HHLA2: variants seen among roughly 807,000 people sequenced by gnomAD.
The protein encoded by HHLA2 is HHLA2 member of B7 family.
In HHLA2, 48 loss-of-function variants were observed where a neutral mutation model predicts 45.9. The ratio of observed to expected loss-of-function variants is 1.05; its 90% CI spans 0.83 to 1.33. HHLA2 has a LOEUF of 1.33. HHLA2 is among the 40% of genes most tolerant of loss of function. HHLA2 has a pLI of 0.00. For synonymous variants in HHLA2, 161 were observed against 173.9 expected (o/e 0.93, Z 0.59); for missense variants, 462 against 494.3 (o/e 0.93, Z 0.62).
intron 3 of HHLA2, among the ~76,000 whole-genome samples, chr3:108,340,416 C>T (rs1177216347): frequency 2.0e-5 from 3 of 152,222 alleles, no homozygotes; most frequent in African/African-American, 4.8e-5. Context: ...ATTGGTTACA[C>T]ATGCTCCCTC....
At chr3:108,363,904 G>C (rs1490217385) in intron 8 of HHLA2, among the ~76,000 whole-genome samples, 4 of 152,152 alleles carry the variant, frequency 2.6e-5, no homozygotes, top group Non-Finnish European at 4.4e-5. Flanking sequence ...CAAGGACAGA[G>C]AGCAGTTCCC....
chr3:108,303,550 A>T (rs1206231867), intron 1 of HHLA2, among the ~76,000 whole-genome samples: 3 of 152,074 alleles, frequency 2.0e-5, no homozygotes, highest in Admixed American at 1.3e-4. Flanking sequence ...TATGCTGGTC[A>T]TTAATTTCTA....
At chr3:108,346,745 C>T (rs113652291) in intron 3 of HHLA2, among the ~76,000 whole-genome samples, 4 of 152,232 alleles carry the variant, frequency 2.6e-5, no homozygotes, top group East Asian at 1.9e-4. Flanking sequence ...TGGTTTTGAG[C>T]GTTACTAATG....
At chr3:108,355,346 T>G (rs776212573) in exon 6 of HHLA2, 1 of 1,613,858 alleles carries the variant, frequency 6.2e-7, no homozygotes, top group Non-Finnish European at 8.5e-7. Flanking sequence ...AATTCACTGC[T>G]GAAGCAAACA....
intron 2 of HHLA2, among the ~76,000 whole-genome samples, chr3:108,313,671 G>A (rs915844736): frequency 2.0e-5 from 3 of 152,226 alleles, no homozygotes; most frequent in Admixed American, 6.5e-5. Context: ...TGTGGCTGGA[G>A]TAAGAGGTGG....
At chr3:108,362,475 C>T (rs757159089) in intron 8 of HHLA2, 29 bp downstream of exon 7, 10 of 1,393,342 alleles carry the variant, frequency 7.2e-6, no homozygotes, top group South Asian at 2.4e-5. Context: ...CTCTGCCCCA[C>T]GTGTTCCACA....
intron 8 of HHLA2, 112 bp from the exon 8 acceptor site, chr3:108,375,638 A>G: frequency 7.4e-7 from 1 of 1,346,016 alleles, no homozygotes; most frequent in Admixed American, 2.6e-5. Context: ...CCCTTCAAAG[A>G]ACCAGAGAGT....
rs1280018552 is a variant in HHLA2 at position 108,342,140 on chromosome 3, G to GTGTC, written c.-26-9643_-26-9640dup. 3.9e-5 allele frequency among the ~76,000 whole-genome samples: 6 copies of GTGTC among 152,212 alleles called. No individual in the cohort carries two copies. In the East Asian group the frequency reaches 7.7e-4, roughly 20 times the overall value. ...GCAAGGAAGGAGGGAAATGGTACTGGTGTCTGTCACAGTGTCCTTCCAAAT... is the reference window on the plus strand; with the variant it reads ...GCAAGGAAGGAGGGAAATGGTACTGGTGTCTGTCTGTCACAGTGTCCTTCCAAAT... On this transcript the variant is annotated intron_variant, in intron 3 of 10. Coordinates refer to ENST00000619531, the Ensembl canonical transcript of HHLA2.
In HHLA2 at chr3:108,353,841, C is replaced by T. The variant is rs935949889; in HGVS notation, c.418+61C>T. 38 of 1,282,714 alleles carry T rather than the reference C, an allele frequency of 3.0e-5. No homozygotes were observed. In the East Asian group the frequency reaches 3.6e-4, roughly 12 times the overall value. The allele number at this position is 1,282,714 out of a possible 1,614,324, so 79.5% of individuals were successfully genotyped here. A position where few individuals can be genotyped will look rare whatever the true frequency, so the allele number is the denominator to read the frequency against. ...GACATCATTCCATGTTATTAGTAAG[C>T]GTCTTTTTCCTAATATGCCATGAGC... On this transcript the variant is annotated intron_variant, in intron 5 of 10. Coordinates refer to ENST00000619531, the Ensembl canonical transcript of HHLA2.
chr3:108,351,489 G>C (rs1349841078), intron 3 of HHLA2, among the ~76,000 whole-genome samples: 3 of 152,192 alleles, frequency 2.0e-5, no homozygotes, highest in African/African-American at 7.2e-5. Context: ...CACTGCTTCA[G>C]ATATGAAACC....
intron 8 of HHLA2, among the ~76,000 whole-genome samples, chr3:108,374,263 A>G (rs1381428390): frequency 4.0e-5 from 6 of 151,030 alleles, no homozygotes; most frequent in Non-Finnish European, 4.5e-5. Flanking sequence ...TGCTGGGAAA[A>G]CTGGCTAGCC....
intron 1 of HHLA2, among the ~76,000 whole-genome samples, chr3:108,299,392 C>A (rs2080814744): frequency 6.7e-6 from 1 of 149,432 alleles, no homozygotes; most frequent in South Asian, 2.1e-4. Flanking sequence ...AAATATAATA[C>A]ATATTTATTA....
chr3:108,328,238 G>A, intron 2 of HHLA2: 3 of 1,093,028 alleles, frequency 2.7e-6, no homozygotes, highest in Non-Finnish European at 3.8e-6. Flanking sequence ...TTGATACTCT[G>A]GAATCACCTT....
chr3:108,328,340 C>T (rs1011793373), exon 3 of HHLA2: 74 of 1,530,148 alleles, frequency 4.8e-5, no homozygotes, highest in Middle Eastern at 3.3e-4. Context: ...TAGAACGCAC[C>T]TCCTCTGGTA....
chr3:108,314,838 C>A (rs1390086866), intron 2 of HHLA2, among the ~76,000 whole-genome samples: 1 of 152,160 alleles, frequency 6.6e-6, no homozygotes, highest in East Asian at 1.9e-4. Context: ...CACAGCCAAG[C>A]CTGACTCCAG....
intron 2 of HHLA2, chr3:108,326,861 C>T (rs1301301450): frequency 6.6e-6 from 1 of 152,230 alleles, no homozygotes; most frequent in African/African-American, 2.4e-5. Flanking sequence ...GCAGCAGCAT[C>T]CATGGGGAGA....
intron 1 of HHLA2, among the ~76,000 whole-genome samples, chr3:108,300,092 A>G (rs1440463827): frequency 6.6e-6 from 1 of 152,178 alleles, no homozygotes; most frequent in East Asian, 1.9e-4. Flanking sequence ...GGTAACAGGC[A>G]GTTTATTGGG....
At position 108,376,456 on chromosome 3, in the gene HHLA2, A is replaced by G. The variant is rs761553106; in HGVS notation, c.1160-37A>G. On this transcript the variant is annotated intron_variant, in intron 9 of 10. Transcript: ENST00000619531. Reference sequence around the variant, plus strand: ...TAAGGGAGAATTTTGGTGTTTGCAAAGAAATTATTTTTAAGTTCTCTTTTT... The same window carrying G: ...TAAGGGAGAATTTTGGTGTTTGCAAGGAAATTATTTTTAAGTTCTCTTTTT... 8.3e-6 allele frequency: 13 copies of G among 1,561,090 alleles called. No individual in the cohort carries two copies. The East Asian group carries it at 2.9e-4, about 35-fold the overall frequency.
At chr3:108,357,158 C>T (rs1437277842) in intron 6 of HHLA2, among the ~76,000 whole-genome samples, 2 of 152,096 alleles carry the variant, frequency 1.3e-5, no homozygotes, top group Non-Finnish European at 2.9e-5. Context: ...CTTACTTTGG[C>T]ATCACTCTCC....
Sources: gnomAD v4.1 joint callset for allele counts (sites outside exome capture counted in the v4.1 genomes callset) on GRCh38, gnomAD v4.1.1 for gene constraint, MANE v1.5 for transcripts, NCBI Gene and HGNC (gene_info 2026-07-23, HGNC 2026-07-21) for gene names.